Variants in TRNT1 observed in about 807,000 individuals in gnomAD.
The protein encoded by TRNT1 is tRNA nucleotidyl transferase 1.
In TRNT1, 44 loss-of-function variants were observed where a neutral mutation model predicts 45.6. The ratio of observed to expected loss-of-function variants is 0.97; its 90% CI spans 0.76 to 1.24. TRNT1 has a LOEUF of 1.24. Ranked by LOEUF, TRNT1 falls within the 50% of genes most tolerant of loss-of-function variation. TRNT1 has a pLI of 0.00. For missense variants in TRNT1, 633 were observed against 504.4 expected (o/e 1.25, Z -2.44); for synonymous variants, 201 against 171.4 (o/e 1.17, Z -1.35).
At chr3:3,140,161 T>C (rs1260448346) in intron 3 of TRNT1, among the ~76,000 whole-genome samples, 1 of 152,250 alleles carries the variant, frequency 6.6e-6, no homozygotes, top group Non-Finnish European at 1.5e-5. Context: ...AAACTGGAGC[T>C]ATTAAAAATA....
rs561980420 is a variant in TRNT1, at chr3:3,140,711, C to T, written c.481+63C>T. ...AGAATGCCTTCTTTTCAAGTAAAAC[C>T]TACATTCTGGAAATGTTCTTCAACT... On this transcript the variant is annotated intron_variant, in intron 4 of 7. Transcript: ENST00000251607. 2.6e-5 allele frequency: 41 copies of T among 1,551,128 alleles called. 1 individual carries two copies. In the African/African-American group the frequency reaches 4.8e-4, roughly 18 times the overall value.
chr3:3,142,442 T>G (rs1382576197), intron 4 of TRNT1, among the ~76,000 whole-genome samples: 1 of 152,208 alleles, frequency 6.6e-6, no homozygotes, highest in African/African-American at 2.4e-5. Flanking sequence ...GAATTCCAAC[T>G]CAGGCAGCCT....
At chr3:3,140,369 T>C (rs1705571036) in intron 3 of TRNT1, 141 bp from the exon 4 acceptor site, 1 of 651,092 alleles carries the variant, frequency 1.5e-6, no homozygotes, top group Non-Finnish European at 2.5e-6. Flanking sequence ...TGTTTAGGTA[T>C]GGTAGTTGAC....
chr3:3,137,497 A>G (rs1428445146), intron 3 of TRNT1, 44 bp downstream of exon 3: 26 of 1,502,392 alleles, frequency 1.7e-5, no homozygotes, highest in Non-Finnish European at 2.2e-5. Flanking sequence ...TTTTTTGGTA[A>G]TTTTTAAAAA....
downstream of TRNT1, among the ~76,000 whole-genome samples, chr3:3,151,230 A>G (rs1378340957): frequency 2.6e-5 from 4 of 152,190 alleles, no homozygotes; most frequent in African/African-American, 9.7e-5. Flanking sequence ...TAATTTTGTA[A>G]TATGTATGAC....
Position 3,147,438 on chromosome 3 carries a change from T to C in TRNT1, c.803-12T>C. 1 of 1,610,330 alleles carries C rather than the reference T, an allele frequency of 6.2e-7. No individual in the cohort carries two copies. Among genetic ancestry groups the C allele is most frequent in the Non-Finnish European group, 8.5e-7 (1 of 1,177,926 alleles). On this transcript the variant is annotated splice_polypyrimidine_tract_variant and intron_variant, in intron 6 of 7. Coordinates refer to ENST00000251607, the MANE Select transcript of TRNT1 (RefSeq NM_182916.3). ...CACTAAAAACAGGTGAAAAATGCTT[T>C]TGTCCCTACAGGTTTACCTGCTAAT...
chr3:3,147,772 C>G, intron 7 of TRNT1, 69 bp downstream of exon 7: 1 of 1,529,598 alleles, frequency 6.5e-7, no homozygotes, highest in Non-Finnish European at 8.8e-7. Flanking sequence ...TTTATTAAAA[C>G]TAAGATCTAC....
chr3:3,138,099 C>G (rs1264051559), intron 3 of TRNT1, among the ~76,000 whole-genome samples: 1 of 152,176 alleles, frequency 6.6e-6, no homozygotes, highest in Non-Finnish European at 1.5e-5. Context: ...TCTTCCTGCT[C>G]CAATATGGAC....
Position 3,146,594 on chromosome 3 carries a change from T to C in TRNT1, c.773T>C (p.Ile258Thr), listed in dbSNP as rs773564475. ...GNHVNHLIHL[I>T]YDLDVAPYIG... ...CATGTAAATCATTTGATTCACCTTA[T>C]CTATGATCTTGATGTGGCTCCTTAT... is the stretch of plus-strand genomic sequence containing the variant. The change falls in exon 6 of 8, where the codon ATC becomes ACC. Residue 258 changes from isoleucine (I) to threonine (T), a missense_variant. Physicochemically the swap from Ile to Thr is moderately conservative, Grantham distance 89. Coordinates refer to ENST00000251607, the MANE Select transcript of TRNT1 (RefSeq NM_182916.3). 2.5e-6 allele frequency: 4 copies of C among 1,613,296 alleles called. No homozygotes were observed. Among genetic ancestry groups the C allele is most frequent in the Admixed American group, 3.3e-5 (2 of 59,944 alleles).
chr3:3,128,959 C>T (rs949354842), intron 1 of TRNT1, 55 bp from the exon 2 acceptor site: 6 of 1,323,078 alleles, frequency 4.5e-6, no homozygotes, highest in Non-Finnish European at 6.2e-6. Context: ...CTTTGTTTTC[C>T]TTCACTTACC....
At chr3:3,141,398 T>C (rs887097764) in intron 4 of TRNT1, among the ~76,000 whole-genome samples, 9 of 152,212 alleles carry the variant, frequency 5.9e-5, no homozygotes, top group Admixed American at 6.5e-5. Context: ...CATGCATGTT[T>C]ATTCAATCTT....
At chr3:3,133,740 A>G (rs1705155732) in intron 2 of TRNT1, among the ~76,000 whole-genome samples, 1 of 152,008 alleles carries the variant, frequency 6.6e-6, no homozygotes, top group African/African-American at 2.4e-5. Context: ...CATCATGTTA[A>G]AATATAGCAC....
At chr3:3,129,677 G>A (rs1433593173) in intron 2 of TRNT1, among the ~76,000 whole-genome samples, 1 of 152,226 alleles carries the variant, frequency 6.6e-6, no homozygotes, top group Non-Finnish European at 1.5e-5. Context: ...GTTGACTGCA[G>A]TAAAAAGCAT....
intron 1 of TRNT1, among the ~76,000 whole-genome samples, chr3:3,128,711 T>G (rs1704774770): frequency 6.6e-6 from 1 of 152,126 alleles, no homozygotes; most frequent in African/African-American, 2.4e-5. Context: ...TAGCCTTGTT[T>G]AAGGGCACTG....
In TRNT1 at chr3:3,145,315, A is replaced by G. The variant is rs1288358276; in HGVS notation, c.608+605A>G. ...GTCAGGAGATGAGACCATGCTGGCTAACATGGTGAAACCCCATTTCTACTA... is the reference window on the plus strand; with the variant it reads ...GTCAGGAGATGAGACCATGCTGGCTGACATGGTGAAACCCCATTTCTACTA... On this transcript the variant is annotated intron_variant, in intron 5 of 7. Coordinates refer to ENST00000251607, the MANE Select transcript of TRNT1 (RefSeq NM_182916.3). The G allele has an allele frequency of 2.0e-5, 3 of 152,068 alleles. No homozygotes were observed. The East Asian group carries it at 5.8e-4, about 29-fold the overall frequency. The allele number at this position is 152,068 out of a possible 1,614,324, so 9.4% of individuals were successfully genotyped here.
intron 1 of TRNT1, chr3:3,127,991 A>T (rs961745655): frequency 6.6e-6 from 1 of 152,264 alleles, no homozygotes; most frequent in Non-Finnish European, 1.5e-5. Context: ...ACTCAGAATT[A>T]CAGAGCTTTC....
chr3:3,140,818 C>CA (rs1705602990), intron 4 of TRNT1, 170 bp downstream of exon 4: 16 of 685,600 alleles, frequency 2.3e-5, no homozygotes, highest in South Asian at 1.8e-4. Context: ...CACGGTGGGT[C>CA]ACGCCTGTAA....
intron 1 of TRNT1, chr3:3,127,787 C>G (rs1261476725): frequency 2.6e-5 from 4 of 152,216 alleles, no homozygotes; most frequent in African/African-American, 9.7e-5. Context: ...TGAAGCCCTG[C>G]TCTGGGGAGA....
intron 6 of TRNT1, 48 bp from the exon 7 acceptor site, chr3:3,147,402 T>A (rs1706115547): frequency 6.3e-7 from 1 of 1,598,620 alleles, no homozygotes; most frequent in Non-Finnish European, 8.5e-7. Flanking sequence ...ATATGAGTGG[T>A]TTTTTATCCC....
Sources: gnomAD v4.1 joint callset for allele counts (sites outside exome capture counted in the v4.1 genomes callset) on GRCh38, gnomAD v4.1.1 for gene constraint, MANE v1.5 for transcripts, NCBI Gene and HGNC (gene_info 2026-07-23, HGNC 2026-07-21) for gene names.